MAN1A2: variants seen among roughly 807,000 people sequenced by gnomAD.
MAN1A2 encodes the protein mannosidase alpha class 1A member 2, also known as mannosyl-oligosaccharide 1,2-alpha-mannosidase IB.
A neutral mutation model predicts 75.7 loss-of-function variants in MAN1A2; 26 were observed. The ratio of observed to expected loss-of-function variants is 0.34; its 90% CI spans 0.25 to 0.48. MAN1A2 has a LOEUF of 0.48. Ranked by LOEUF, MAN1A2 falls within the 20% of genes least tolerant of loss-of-function variation. The probability of loss-of-function intolerance (pLI) is 0.99; values close to 1 mark genes in which losing one functional copy is unlikely to be tolerated. For synonymous variants in MAN1A2, 247 were observed against 264.6 expected (o/e 0.93, Z 0.65); for missense variants, 562 against 775.5 (o/e 0.72, Z 3.27).
chr1:117,395,016 A>G (rs767917807), intron 1 of MAN1A2, among the ~76,000 whole-genome samples: 4 of 152,220 alleles, frequency 2.6e-5, no homozygotes, highest in Non-Finnish European at 5.9e-5. Context: ...GTAAATTAGA[A>G]TCATCCAGAA....
At chr1:117,512,709 T>C (rs1651574651) in intron 12 of MAN1A2, among the ~76,000 whole-genome samples, 1 of 150,550 alleles carries the variant, frequency 6.6e-6, no homozygotes, top group Non-Finnish European at 1.5e-5. Context: ...AAGTGCTTCC[T>C]ATGTCCTAAT....
intron 7 of MAN1A2, among the ~76,000 whole-genome samples, chr1:117,464,482 G>GT (rs1389803651): frequency 1.3e-5 from 2 of 152,072 alleles, no homozygotes; most frequent in Non-Finnish European, 2.9e-5. Context: ...GAGAGGTTTG[G>GT]TATAAATGGA....
chr1:117,381,039 A>G (rs1306562684), intron 1 of MAN1A2, among the ~76,000 whole-genome samples: 1 of 152,064 alleles, frequency 6.6e-6, no homozygotes, highest in African/African-American at 2.4e-5. Context: ...TTTTTCAGCA[A>G]TGTTTATGGT....
intron 1 of MAN1A2, among the ~76,000 whole-genome samples, chr1:117,381,205 C>CT (rs1557926657): frequency 1.3e-5 from 2 of 151,772 alleles, no homozygotes; most frequent in East Asian, 3.9e-4. Flanking sequence ...TTTTATTATA[C>CT]TTTAAGTTTT....
At chr1:117,492,585 T>C (rs1427833446) in intron 8 of MAN1A2, among the ~76,000 whole-genome samples, 1 of 152,068 alleles carries the variant, frequency 6.6e-6, no homozygotes, top group Non-Finnish European at 1.5e-5. Flanking sequence ...AAAATTTGTA[T>C]GAATAGTAAT....
chr1:117,528,852 A>C lies in MAN1A2; in HGVS notation c.*5895A>C, dbSNP rs942938129. ...AATATTGTATATTAAAGTTCAAATA[A>C]AGATGTTCTTTAAGTGAAAATTCTT... On this transcript the variant is annotated 3_prime_UTR_variant, in exon 13 of 13. Transcript: ENST00000356554. The C allele has an allele frequency of 6.6e-6, 1 of 152,116 alleles. No individual in the cohort carries two copies. Among genetic ancestry groups the C allele is most frequent in the African/African-American group, 2.4e-5 (1 of 41,430 alleles). The allele number at this position is 152,116 out of a possible 1,614,324, so 9.4% of individuals were successfully genotyped here.
At chr1:117,422,204 C>G (rs570518325) in intron 5 of MAN1A2, among the ~76,000 whole-genome samples, 1 of 152,078 alleles carries the variant, frequency 6.6e-6, no homozygotes, top group Admixed American at 6.6e-5. Context: ...TTATAATTAC[C>G]CTATCCCATT....
intron 5 of MAN1A2, among the ~76,000 whole-genome samples, chr1:117,423,284 G>A (rs1361956801): frequency 6.6e-6 from 1 of 151,998 alleles, no homozygotes; most frequent in Non-Finnish European, 1.5e-5. Flanking sequence ...TCATTATTAT[G>A]GCTTTATAGA....
chr1:117,519,271 C>T (rs1651803239), intron 12 of MAN1A2, among the ~76,000 whole-genome samples: 2 of 151,804 alleles, frequency 1.3e-5, no homozygotes, highest in African/African-American at 4.8e-5. Flanking sequence ...GATCACACCT[C>T]AAAGAACTAG....
intron 10 of MAN1A2, among the ~76,000 whole-genome samples, chr1:117,497,772 A>C (rs1392468967): frequency 6.6e-6 from 1 of 151,842 alleles, no homozygotes; most frequent in African/African-American, 2.4e-5. Flanking sequence ...ACTGGACTAG[A>C]CCTTCCAAGG....
intron 1 of MAN1A2, among the ~76,000 whole-genome samples, chr1:117,369,929 T>C (rs1652901766): frequency 6.6e-6 from 1 of 152,230 alleles, no homozygotes. Context: ...CACATTAACA[T>C]TACTTAGCTC....
chr1:117,388,503 G>A (rs1442607859), intron 1 of MAN1A2, among the ~76,000 whole-genome samples: 2 of 152,142 alleles, frequency 1.3e-5, no homozygotes, highest in African/African-American at 2.4e-5. Flanking sequence ...GCCCCAGGAA[G>A]CTCATAATTG....
chr1:117,369,166 GCT>G (rs1349536368), intron 1 of MAN1A2, among the ~76,000 whole-genome samples: 4 of 152,076 alleles, frequency 2.6e-5, no homozygotes, highest in Admixed American at 2.0e-4. Context: ...ACTTAATTTT[GCT>G]CTCTCTTTTA....
Position 117,442,226 on chromosome 1 carries a change from C to T in MAN1A2, c.856-5C>T, listed in dbSNP as rs1208681133. ...ATTTATGAATATTCATGTTTTAAAT[C>T]TCAGATATTCAAGATTAAAGCAGTG... On this transcript the variant is annotated splice_region_variant and splice_polypyrimidine_tract_variant and intron_variant, in intron 5 of 12. Transcript: ENST00000356554. The T allele has an allele frequency of 6.4e-7, 1 of 1,551,206 alleles. No individual in the cohort carries two copies. Among genetic ancestry groups the T allele is most frequent in the South Asian group, 1.1e-5 (1 of 89,792 alleles).
chr1:117,428,605 C>G (rs1557945863), intron 5 of MAN1A2, among the ~76,000 whole-genome samples: 1 of 151,722 alleles, frequency 6.6e-6, no homozygotes, highest in South Asian at 2.1e-4. Context: ...GACATAAAAG[C>G]AAGACCAAAC....
chr1:117,418,596 TTTG>T (rs922395006), intron 4 of MAN1A2, among the ~76,000 whole-genome samples: 3 of 152,148 alleles, frequency 2.0e-5, no homozygotes, highest in African/African-American at 7.2e-5. Context: ...TATTTTTTGC[TTTG>T]TTGTTCTGTA....
intron 8 of MAN1A2, among the ~76,000 whole-genome samples, chr1:117,476,948 C>T (rs1009374308): frequency 5.9e-5 from 9 of 151,984 alleles, no homozygotes; most frequent in Non-Finnish European, 1.2e-4. Flanking sequence ...TTACTATGGG[C>T]AGTATGGACA....
At chr1:117,429,716 C>T (rs1648531257) in intron 5 of MAN1A2, among the ~76,000 whole-genome samples, 1 of 112,116 alleles carries the variant, frequency 8.9e-6, no homozygotes, top group Non-Finnish European at 1.9e-5. Context: ...GGGCTGACCC[C>T]CCCCACCTCC....
At chr1:117,490,261 A>G (rs1338886365) in intron 8 of MAN1A2, among the ~76,000 whole-genome samples, 1 of 152,012 alleles carries the variant, frequency 6.6e-6, no homozygotes, top group East Asian at 1.9e-4. Flanking sequence ...ATCCGTCAGC[A>G]TCATTTTTTT....
Sources: allele counts gnomAD v4.1 joint callset (sites outside exome capture counted in the v4.1 genomes callset), GRCh38; gene constraint gnomAD v4.1.1; transcripts MANE v1.5; gene names NCBI Gene and HGNC (gene_info 2026-07-23, HGNC 2026-07-21).